PNLIPRP3: variants seen among roughly 807,000 people sequenced by gnomAD.
PNLIPRP3 encodes pancreatic lipase related protein 3.
In PNLIPRP3, 58 loss-of-function variants were observed where a neutral mutation model predicts 52.8. The observed-to-expected ratio is 1.10, with a 90% CI of 0.89 to 1.37. The LOEUF is 1.37. Among genes scored for constraint, PNLIPRP3 ranks in the 40% most tolerant of loss-of-function variants. The probability of loss-of-function intolerance (pLI) is 0.00; values close to 1 mark genes in which losing one functional copy is unlikely to be tolerated. For missense variants in PNLIPRP3, 593 were observed against 561.6 expected (o/e 1.06, Z -0.57); for synonymous variants, 192 against 185.0 (o/e 1.04, Z -0.31).
In PNLIPRP3 at chr10:116,460,953, G is replaced by A; in HGVS notation, c.566-13G>A. ...CACTTCCATAGAACATGTCTTGGTT[G>A]TGCTTTCTCTAGGGTTGGACCCAGC... On this transcript the variant is annotated splice_polypyrimidine_tract_variant and intron_variant, in intron 5 of 11. Coordinates refer to ENST00000369230, the MANE Select transcript of PNLIPRP3 (RefSeq NM_001011709.3). 1 of 1,610,850 alleles carries A rather than the reference G, an allele frequency of 6.2e-7. No homozygotes were observed. The highest frequency in any genetic ancestry group is 8.5e-7 in the Non-Finnish European group (1 of 1,179,592).
Position 116,427,995 on chromosome 10 carries a change from T to C in PNLIPRP3, c.-18T>C. ...GATCTTCAAGAAGATTTTTATGTGA[T>C]TTAAAAAATCAGCTTAGATGCTTGG... On this transcript the variant is annotated 5_prime_UTR_variant, in exon 1 of 12. Coordinates refer to ENST00000369230, the MANE Select transcript of PNLIPRP3 (RefSeq NM_001011709.3). 6.3e-7 allele frequency: 1 copy of C among 1,599,616 alleles called. No individual in the cohort carries two copies. The highest frequency in any genetic ancestry group is 8.6e-7 in the Non-Finnish European group (1 of 1,168,294).
intron 1 of PNLIPRP3, among the ~76,000 whole-genome samples, chr10:116,428,811 C>G (rs1845671359): frequency 6.6e-6 from 1 of 152,206 alleles, no homozygotes; most frequent in South Asian, 2.1e-4. Flanking sequence ...AGATCAACCC[C>G]TTTGTTGTAA....
chr10:116,439,675 T>A (rs1845829648), intron 2 of PNLIPRP3: 1 of 766,660 alleles, frequency 1.3e-6, no homozygotes, highest in Non-Finnish European at 2.4e-6. Flanking sequence ...ACCCAGCTTT[T>A]TTGCCACGTC....
intron 10 of PNLIPRP3, among the ~76,000 whole-genome samples, chr10:116,475,713 C>G (rs1846452394): frequency 1.3e-5 from 2 of 152,182 alleles, no homozygotes; most frequent in Admixed American, 6.5e-5. Flanking sequence ...GATGCAGACA[C>G]AGGTCCGTCT....
chr10:116,435,787 A>G lies in PNLIPRP3; in HGVS notation c.50-924A>G, dbSNP rs143035977. ...AAAATTTAGTTATTTGCTTTTTGCT[A>G]TTAAGTTGTGTGAGTTCCTTAGGTA... On this transcript the variant is annotated intron_variant, in intron 1 of 11. Coordinates refer to ENST00000369230, the MANE Select transcript of PNLIPRP3 (RefSeq NM_001011709.3). Among the ~76,000 whole-genome samples the G allele has an allele frequency of 6.6e-5, 10 of 152,304 alleles. No homozygotes were observed. The East Asian group carries it at 1.9e-3, about 29-fold the overall frequency.
Position 116,440,645 on chromosome 10 carries a change from C to A in PNLIPRP3, c.205-2410C>A, listed in dbSNP as rs145464546. On this transcript the variant is annotated intron_variant, in intron 2 of 11. Coordinates refer to ENST00000369230, the MANE Select transcript of PNLIPRP3 (RefSeq NM_001011709.3). ...CTCTCTTCTCCAAGTGAGGAATTGT[C>A]AAAGGTAAATGTGGTGTGGTACGAT... Among the ~76,000 whole-genome samples the A allele has an allele frequency of 6.9e-3, 1,058 of 152,254 alleles. 12 individuals are homozygous for A. The highest frequency in any genetic ancestry group is 0.022 in the African/African-American group (901 of 41,546).
At chr10:116,438,048 C>T (rs535841624) in intron 2 of PNLIPRP3, among the ~76,000 whole-genome samples, 40 of 152,138 alleles carry the variant, frequency 2.6e-4, no homozygotes, top group East Asian at 9.7e-4. Flanking sequence ...AGATTTCACA[C>T]GTAAATGATT....
At chr10:116,443,030 C>T in intron 2 of PNLIPRP3, 25 bp from the exon 3 acceptor site, 1 of 1,496,478 alleles carries the variant, frequency 6.7e-7, no homozygotes, top group South Asian at 1.4e-5. Flanking sequence ...ATTATTTTTC[C>T]TTAATCTCTT....
intron 10 of PNLIPRP3, among the ~76,000 whole-genome samples, chr10:116,475,463 A>T (rs1846448838): frequency 6.6e-6 from 1 of 152,188 alleles, no homozygotes; most frequent in South Asian, 2.1e-4. Context: ...ATCTTAGCTA[A>T]TTGGGCTTCT....
At chr10:116,473,396 G>T (rs2133160228) in intron 10 of PNLIPRP3, among the ~76,000 whole-genome samples, 1 of 152,258 alleles carries the variant, frequency 6.6e-6, no homozygotes, top group South Asian at 2.1e-4. Context: ...GAAACAAAAT[G>T]ATGGTATATA....
intron 10 of PNLIPRP3, among the ~76,000 whole-genome samples, chr10:116,473,133 G>T (rs949199498): frequency 2.0e-5 from 3 of 152,182 alleles, no homozygotes; most frequent in Admixed American, 2.0e-4. Context: ...GATAACGGCC[G>T]AAGAAGCTGT....
intron 5 of PNLIPRP3, among the ~76,000 whole-genome samples, chr10:116,458,647 A>G (rs1425276316): frequency 1.3e-5 from 2 of 152,124 alleles, no homozygotes; most frequent in Non-Finnish European, 2.9e-5. Flanking sequence ...GTTAAGCGCG[A>G]ATGGTTCATT....
At chr10:116,431,505 A>G (rs1845709805) in intron 1 of PNLIPRP3, among the ~76,000 whole-genome samples, 1 of 152,204 alleles carries the variant, frequency 6.6e-6, no homozygotes, top group African/African-American at 2.4e-5. Flanking sequence ...TATATAATAC[A>G]TAATTTCCAG....
chr10:116,443,323 C>T (rs1037899756), intron 3 of PNLIPRP3, 149 bp downstream of exon 3: 1 of 802,030 alleles, frequency 1.2e-6, no homozygotes. Flanking sequence ...AATTAGTTAT[C>T]CATTTCCCAT....
intron 2 of PNLIPRP3, among the ~76,000 whole-genome samples, chr10:116,442,064 C>A (rs1845866178): frequency 6.6e-6 from 1 of 152,154 alleles, no homozygotes; most frequent in Admixed American, 6.5e-5. Context: ...TCATAAATAT[C>A]TAAATGTGTT....
rs367547087 is a variant in PNLIPRP3 at position 116,432,881 on chromosome 10, G to A, written c.50-3830G>A. On this transcript the variant is annotated intron_variant, in intron 1 of 11. Transcript: ENST00000369230. ...TGTAATCCCAGCACTTTGGGAGGTC[G>A]AGGCGGGCGGATCACGAGGTCAGGA... Among the ~76,000 whole-genome samples the A allele has an allele frequency of 3.4e-4, 51 of 151,948 alleles. No homozygotes were observed. The South Asian group carries it at 7.5e-3, about 22-fold the overall frequency.
chr10:116,471,206 C>T (rs960462584), intron 9 of PNLIPRP3, among the ~76,000 whole-genome samples: 32 of 152,102 alleles, frequency 2.1e-4, no homozygotes, highest in Admixed American at 1.9e-3. Flanking sequence ...CACATTTGGC[C>T]ATTTGCAAGG....
chr10:116,468,810 G>A lies in PNLIPRP3; in HGVS notation c.928-375G>A, dbSNP rs113872432. ...GCAAATGAGAATTCCCCTATTACACGTATTCAGTGTTGCCAATTGCTTTAA... is the reference window on the plus strand; with the variant it reads ...GCAAATGAGAATTCCCCTATTACACATATTCAGTGTTGCCAATTGCTTTAA... On this transcript the variant is annotated intron_variant, in intron 8 of 11. Transcript: ENST00000369230. Among the ~76,000 whole-genome samples, 438 of 152,286 alleles carry A rather than the reference G, an allele frequency of 2.9e-3. 3 individuals are homozygous for A. Among genetic ancestry groups the A allele is most frequent in the African/African-American group, 0.01 (421 of 41,566 alleles).
chr10:116,471,874 T>C lies in PNLIPRP3; in HGVS notation c.1167T>C (p.Ile389=). The change falls in exon 10 of 12, where the codon ATT becomes ATC. Residue 389 remains isoleucine, a synonymous_variant. Coordinates refer to ENST00000369230, the MANE Select transcript of PNLIPRP3 (RefSeq NM_001011709.3). The part of the protein sequence containing the change: ...GAVRKTGEFA[I]VSGKLEPGMT... ...TTAGGAAAACTGGGGAGTTTGCCAT[T>C]GTCAGGTAGGCAGAGTGAGAAACTG... 1.3e-6 allele frequency: 2 copies of C among 1,571,890 alleles called. No individual in the cohort carries two copies. Among genetic ancestry groups the C allele is most frequent in the Non-Finnish European group, 1.7e-6 (2 of 1,142,902 alleles).
Sources: allele counts gnomAD v4.1 joint callset (sites outside exome capture counted in the v4.1 genomes callset), GRCh38; gene constraint gnomAD v4.1.1; transcripts MANE v1.5; gene names NCBI Gene and HGNC (gene_info 2026-07-23, HGNC 2026-07-21).